PATJ: variants seen among roughly 807,000 people sequenced by gnomAD.
PATJ encodes the protein inaD-like protein.
PATJ carries 190 observed loss-of-function variants against 224.9 expected under a neutral mutation model. The ratio of observed to expected loss-of-function variants is 0.84; its 90% confidence interval spans 0.75 to 0.95. The LOEUF (loss-of-function observed/expected upper bound fraction) is 0.95, where lower values mean the gene tolerates loss of function less well. Ranked by LOEUF, PATJ falls within the 40% of genes least tolerant of loss-of-function variation. PATJ has a pLI of 0.00. For synonymous variants in PATJ, 769 were observed against 820.3 expected (o/e 0.94, Z 1.07); for missense variants, 2,121 against 2,270.3 (o/e 0.93, Z 1.34).
At chr1:61,750,345 C>G (rs544802922) in intron 1 of PATJ, among the ~76,000 whole-genome samples, 16 of 152,078 alleles carry the variant, frequency 1.1e-4, no homozygotes, top group Admixed American at 7.2e-4. Context: ...ACTTTAGCTT[C>G]CATTAATAAT....
chr1:61,887,895 C>T (rs1669106135), intron 22 of PATJ, among the ~76,000 whole-genome samples: 1 of 152,148 alleles, frequency 6.6e-6, no homozygotes, highest in South Asian at 2.1e-4. Flanking sequence ...TTATTAAAAC[C>T]TTAATCCAAG....
chr1:61,795,446 C>T (rs373492799), intron 9 of PATJ, 21 bp from the exon 10 acceptor site: 115 of 1,452,336 alleles, frequency 7.9e-5, no homozygotes, highest in Middle Eastern at 1.8e-4. Flanking sequence ...TTCCTTTTTC[C>T]GTATGTCTGT....
At chr1:62,142,455 A>G (rs573467743) in intron 41 of PATJ, among the ~76,000 whole-genome samples, 196 of 152,296 alleles carry the variant, frequency 1.3e-3, no homozygotes, top group African/African-American at 4.5e-3. Flanking sequence ...AAGCAACCAC[A>G]GAAAATTGAG....
At chr1:61,770,045 A>T (rs533196562) in intron 5 of PATJ, among the ~76,000 whole-genome samples, 1 of 152,142 alleles carries the variant, frequency 6.6e-6, no homozygotes, top group Non-Finnish European at 1.5e-5. Context: ...TTTAATAAGT[A>T]TGCTATTCCA....
chr1:61,947,519 A>G (rs559744231), intron 27 of PATJ, among the ~76,000 whole-genome samples: 1 of 152,314 alleles, frequency 6.6e-6, no homozygotes, highest in Non-Finnish European at 1.5e-5. Context: ...GATGTGAAGG[A>G]CCTCTTCAAG....
At chr1:61,914,263 T>C (rs1044978714) in intron 25 of PATJ, among the ~76,000 whole-genome samples, 1 of 152,044 alleles carries the variant, frequency 6.6e-6, no homozygotes, top group Non-Finnish European at 1.5e-5. Flanking sequence ...TGAGAGCAGC[T>C]TGGCCAACAT....
chr1:62,009,185 G>T (rs1268266054), intron 28 of PATJ, among the ~76,000 whole-genome samples: 3 of 152,130 alleles, frequency 2.0e-5, no homozygotes, highest in African/African-American at 7.2e-5. Context: ...TTTCCTTGGG[G>T]CTGGGTCAGA....
intron 1 of PATJ, among the ~76,000 whole-genome samples, chr1:61,758,782 T>A (rs1321502384): frequency 6.6e-6 from 1 of 152,106 alleles, no homozygotes; most frequent in Admixed American, 6.6e-5. Flanking sequence ...TGTTGTTGTT[T>A]TTTAAAGAGT....
chr1:62,077,825 C>A (rs1450988271), intron 31 of PATJ, among the ~76,000 whole-genome samples: 1 of 152,170 alleles, frequency 6.6e-6, no homozygotes, highest in African/African-American at 2.4e-5. Flanking sequence ...CCGGTTCTAC[C>A]TCTTTCTCTA....
At position 61,833,705 on chromosome 1, in the gene PATJ, G is replaced by A; in HGVS notation, c.2032G>A (p.Ala678Thr). The A allele has an allele frequency of 2.5e-6, 4 of 1,613,270 alleles. No individual in the cohort carries two copies. Among genetic ancestry groups the A allele is most frequent in the Non-Finnish European group, 3.4e-6 (4 of 1,179,324 alleles). ...NTEEDDDGELALWSPEVKIVE... is the reference protein window; with the variant it reads ...NTEEDDDGELTLWSPEVKIVE... ...TGAAGAAGATGATGATGGGGAATTAGCACTGTGGTCCCCTGAAGTCAAGAT... is the reference window on the plus strand; with the variant it reads ...TGAAGAAGATGATGATGGGGAATTAACACTGTGGTCCCCTGAAGTCAAGAT... Residue 678 changes from alanine (A) to threonine (T), a missense_variant, in exon 17 of 44, where the codon GCA (alanine) becomes ACA (threonine). By Grantham distance (58) the Ala-to-Thr change is moderately conservative (BLOSUM62 0). Coordinates refer to ENST00000642238, the MANE Select transcript of PATJ (RefSeq NM_001350145.3).
chr1:61,962,838 T>C (rs1681503295), intron 27 of PATJ, among the ~76,000 whole-genome samples: 1 of 152,108 alleles, frequency 6.6e-6, no homozygotes, highest in South Asian at 2.1e-4. Flanking sequence ...CCATGTCACC[T>C]CAAAATGTCA....
intron 24 of PATJ, among the ~76,000 whole-genome samples, chr1:61,905,723 T>C (rs1036667000): frequency 2.0e-5 from 3 of 152,334 alleles, no homozygotes; most frequent in South Asian, 4.1e-4. Flanking sequence ...ACCAGCAATG[T>C]GTAAGTTTCT....
intron 42 of PATJ, among the ~76,000 whole-genome samples, chr1:62,151,883 A>G (rs1558240888): frequency 6.6e-6 from 1 of 152,238 alleles, no homozygotes; most frequent in Non-Finnish European, 1.5e-5. Context: ...GGCATCACCT[A>G]AACTTAGATT....
intron 29 of PATJ, among the ~76,000 whole-genome samples, chr1:62,022,632 G>A (rs780419505): frequency 6.6e-5 from 10 of 152,104 alleles, no homozygotes; most frequent in African/African-American, 2.2e-4. Context: ...AGCTCTTGTC[G>A]TACCTTCCCC....
chr1:61,839,172 C>CTGCTCTTTCCTTTGTGAG (rs1553175689), intron 17 of PATJ, among the ~76,000 whole-genome samples: 5 of 151,944 alleles, frequency 3.3e-5, no homozygotes, highest in Non-Finnish European at 7.4e-5. Context: ...TCATACTATA[C>CTGCTCTTTCCTTTGTGAG]TGCTCTTTCC....
At chr1:61,812,354 TAGAG>T (rs71050165) in intron 14 of PATJ, among the ~76,000 whole-genome samples, 24 of 111,740 alleles carry the variant, frequency 2.1e-4, no homozygotes, top group African/African-American at 8.0e-4. Flanking sequence ...GGGGAGGGAA[TAGAG>T]AGAGAGAGAG....
At chr1:61,817,150 C>T (rs1294313738) in intron 14 of PATJ, among the ~76,000 whole-genome samples, 1 of 152,068 alleles carries the variant, frequency 6.6e-6, no homozygotes, top group Non-Finnish European at 1.5e-5. Flanking sequence ...GAAGGCACTA[C>T]CGTGAACATA....
At chr1:62,014,562 CTTT>C (rs35711547) in intron 28 of PATJ, among the ~76,000 whole-genome samples, 25 of 84,532 alleles carry the variant, frequency 3.0e-4, no homozygotes, top group African/African-American at 6.5e-4. Context: ...CTTTTCTTTC[CTTT>C]TTTTTTTTTT....
chr1:62,096,093 A>G (rs551378983), intron 33 of PATJ, among the ~76,000 whole-genome samples: 6 of 152,314 alleles, frequency 3.9e-5, no homozygotes, highest in Non-Finnish European at 1.5e-5. Context: ...AATTAAAACA[A>G]AAAAAGACAC....
Sources: allele counts gnomAD v4.1 joint callset (sites outside exome capture counted in the v4.1 genomes callset), GRCh38; gene constraint gnomAD v4.1.1; transcripts MANE v1.5; gene names NCBI Gene and HGNC (gene_info 2026-07-23, HGNC 2026-07-21).